Variants in EPHB1 observed in about 807,000 individuals in gnomAD.
The protein encoded by EPHB1 is ephrin type-B receptor 1.
In EPHB1, 30 loss-of-function variants were observed where a neutral mutation model predicts 94.4. The observed-to-expected ratio is 0.32, with a 90% CI of 0.24 to 0.43. EPHB1 has a LOEUF of 0.43. EPHB1 is among the 20% of genes least tolerant of loss of function. The pLI is 1.00. For synonymous variants in EPHB1, 522 were observed against 489.1 expected (o/e 1.07, Z -0.89); for missense variants, 1,055 against 1,308.3 (o/e 0.81, Z 2.99).
intron 1 of EPHB1, among the ~76,000 whole-genome samples, chr3:134,902,311 G>A (rs1465367146): frequency 6.6e-6 from 1 of 152,182 alleles, no homozygotes; most frequent in East Asian, 1.9e-4. Flanking sequence ...GGGGAGCCAG[G>A]AGTCCAGGAG....
intron 3 of EPHB1, 49 bp downstream of exon 3, chr3:134,952,101 C>T: frequency 6.5e-7 from 1 of 1,530,274 alleles, no homozygotes; most frequent in Non-Finnish European, 8.8e-7. Context: ...AGGGCCAGAT[C>T]TGCAAGGTTT....
intron 12 of EPHB1, among the ~76,000 whole-genome samples, chr3:135,230,191 C>G (rs576805563): frequency 6.6e-6 from 1 of 152,206 alleles, no homozygotes; most frequent in Non-Finnish European, 1.5e-5. Flanking sequence ...GGGGTGGCCT[C>G]TGAGCCTCCT....
intron 3 of EPHB1, among the ~76,000 whole-genome samples, chr3:135,017,826 G>C (rs1935853918): frequency 6.6e-6 from 1 of 152,218 alleles, no homozygotes; most frequent in Admixed American, 6.5e-5. Flanking sequence ...TTTCACTGGG[G>C]CATGCCCAAG....
At chr3:134,926,846 T>G in intron 2 of EPHB1, among the ~76,000 whole-genome samples, 1 of 152,086 alleles carries the variant, frequency 6.6e-6, no homozygotes, top group Non-Finnish European at 1.5e-5. Flanking sequence ...GTCTTGGGTG[T>G]GACAAAAGAA....
At chr3:135,250,732 G>T (rs1413377942) in intron 15 of EPHB1, among the ~76,000 whole-genome samples, 1 of 151,998 alleles carries the variant, frequency 6.6e-6, no homozygotes, top group East Asian at 1.9e-4. Context: ...CACACCGGGG[G>T]GACTTCATGG....
intron 9 of EPHB1, among the ~76,000 whole-genome samples, chr3:135,170,016 TG>T (rs1941761238): frequency 6.6e-6 from 1 of 152,244 alleles, no homozygotes; most frequent in Non-Finnish European, 1.5e-5. Context: ...TAACTATATC[TG>T]GACCATCCAC....
At chr3:134,986,711 A>AACACACACACACACAC (rs60628273) in intron 3 of EPHB1, among the ~76,000 whole-genome samples, 1,544 of 145,682 alleles carry the variant, frequency 0.011, 13 homozygotes, top group East Asian at 0.027. Flanking sequence ...TAAAGATATT[A>AACACACACACACACAC]ACACACACAC....
chr3:134,882,483 G>T (rs923956683), intron 1 of EPHB1, among the ~76,000 whole-genome samples: 17 of 152,078 alleles, frequency 1.1e-4, no homozygotes, highest in African/African-American at 4.1e-4. Context: ...ATATAAAAAA[G>T]AAAAGAGAAC....
At chr3:134,882,765 C>CCTTTCTTTCTTTCTTTCTTT (rs1553861896) in intron 1 of EPHB1, among the ~76,000 whole-genome samples, 27 of 79,918 alleles carry the variant, frequency 3.4e-4, no homozygotes, top group African/African-American at 1.1e-3. Context: ...TTCCTTCCTT[C>CCTTTCTTTCTTTCTTTCTTT]CTTTCTTTCT....
intron 4 of EPHB1, among the ~76,000 whole-genome samples, chr3:135,115,616 T>A (rs1939662651): frequency 6.6e-6 from 1 of 151,976 alleles, no homozygotes; most frequent in African/African-American, 2.4e-5. Flanking sequence ...ACAGAGCAGG[T>A]GTGTCCGATG....
intron 3 of EPHB1, among the ~76,000 whole-genome samples, chr3:135,044,223 A>C (rs1300488178): frequency 6.6e-6 from 1 of 152,140 alleles, no homozygotes; most frequent in Non-Finnish European, 1.5e-5. Context: ...CTTTGTGGGG[A>C]GTCTGGTGGC....
At chr3:134,866,545 C>T (rs984936876) in intron 1 of EPHB1, among the ~76,000 whole-genome samples, 8 of 152,170 alleles carry the variant, frequency 5.3e-5, no homozygotes, top group Non-Finnish European at 1.0e-4. Flanking sequence ...GAGTCATTGG[C>T]CACTGCTGGA....
intron 1 of EPHB1, among the ~76,000 whole-genome samples, chr3:134,821,475 A>C (rs1037263599): frequency 2.0e-5 from 3 of 152,218 alleles, no homozygotes; most frequent in Admixed American, 1.3e-4. Flanking sequence ...TAATTGTTTA[A>C]AGGAATTAGC....
intron 3 of EPHB1, among the ~76,000 whole-genome samples, chr3:135,056,883 GC>G (rs1424578656): frequency 1.3e-5 from 2 of 152,186 alleles, no homozygotes; most frequent in African/African-American, 2.4e-5. Flanking sequence ...GGGCTGCCAT[GC>G]TGGGAGAAGA....
At chr3:135,258,053 T>C (rs923743203) in intron 15 of EPHB1, among the ~76,000 whole-genome samples, 1 of 152,158 alleles carries the variant, frequency 6.6e-6, no homozygotes, top group Admixed American at 6.5e-5. Flanking sequence ...AGTGAGGCAA[T>C]GCCTCACCCT....
intron 15 of EPHB1, among the ~76,000 whole-genome samples, chr3:135,252,039 TA>T (rs2107733077): frequency 6.6e-6 from 1 of 152,156 alleles, no homozygotes; most frequent in South Asian, 2.1e-4. Flanking sequence ...TAAATTATTA[TA>T]AATAATAATG....
At chr3:134,943,914 C>T (rs968492299) in intron 2 of EPHB1, among the ~76,000 whole-genome samples, 4 of 152,014 alleles carry the variant, frequency 2.6e-5, no homozygotes, top group African/African-American at 9.7e-5. Flanking sequence ...GTGGGCTGGA[C>T]CAGATAACAG....
chr3:135,068,936 T>G (rs921927875), intron 3 of EPHB1, among the ~76,000 whole-genome samples: 3 of 151,430 alleles, frequency 2.0e-5, no homozygotes, highest in Admixed American at 2.0e-4. Context: ...ATGGGGCTTC[T>G]TAGATATGAC....
chr3:135,218,003 A>C (rs149226816), intron 12 of EPHB1, among the ~76,000 whole-genome samples: 294 of 152,222 alleles, frequency 1.9e-3, no homozygotes, highest in Non-Finnish European at 3.0e-3. Flanking sequence ...ATTTACATTT[A>C]AATCATAGTT....
Sources: gnomAD v4.1 joint callset for allele counts (sites outside exome capture counted in the v4.1 genomes callset) on GRCh38, gnomAD v4.1.1 for gene constraint, MANE v1.5 for transcripts, NCBI Gene and HGNC (gene_info 2026-07-23, HGNC 2026-07-21) for gene names.